Variants in TMEM201 observed in about 807,000 individuals in gnomAD.
The protein encoded by TMEM201 is transmembrane protein 201.
Under a neutral mutation model 63.4 loss-of-function variants are expected in TMEM201, and 26 were observed. The ratio of observed to expected loss-of-function variants is 0.41; its 90% CI spans 0.30 to 0.57. TMEM201 has a LOEUF of 0.57. Ranked by LOEUF, TMEM201 falls within the 20% of genes least tolerant of loss-of-function variation. The probability of loss-of-function intolerance (pLI) is 0.29; values close to 1 mark genes in which losing one functional copy is unlikely to be tolerated. For synonymous variants in TMEM201, 417 were observed against 421.6 expected (o/e 0.99, Z 0.14); for missense variants, 794 against 917.7 (o/e 0.87, Z 1.74).
chr1:9,596,088 G>A, intron 2 of TMEM201, 78 bp downstream of exon 2: 1 of 1,553,470 alleles, frequency 6.4e-7, no homozygotes, highest in Non-Finnish European at 8.7e-7. Context: ...ACCACCCTGT[G>A]TCCCTGCCCT....
Position 9,609,839 on chromosome 1 carries a change from G to C in TMEM201, c.1394-1G>C, listed in dbSNP as rs1644296592. The C allele has an allele frequency of 6.4e-7, 1 of 1,551,396 alleles. No homozygotes were observed. Among genetic ancestry groups the C allele is most frequent in the Non-Finnish European group, 8.7e-7 (1 of 1,146,940 alleles). ...TGTCGCCCGCTTCTCTCTGTCTCCA[G>C]ACTCCGGCTATCTGTTCAGCGGTAG... On this transcript the variant is annotated splice_acceptor_variant, in intron 7 of 10. Coordinates refer to ENST00000340381, the MANE Select transcript of TMEM201 (RefSeq NM_001130924.3). LOFTEE classifies it high-confidence loss of function.
At position 9,613,125 on chromosome 1, in the gene TMEM201, G is replaced by A. The variant is rs1644348484; in HGVS notation, c.*42G>A. ...CTCGGAGGGGAGCAACCCGGTGCCT[G>A]CTGCTTCACCACTGCCGGCCTCAGG... On this transcript the variant is annotated 3_prime_UTR_variant, in exon 11 of 11. Coordinates refer to ENST00000340381, the MANE Select transcript of TMEM201 (RefSeq NM_001130924.3). 1 of 1,538,538 alleles carries A rather than the reference G, an allele frequency of 6.5e-7. No individual in the cohort carries two copies. Among genetic ancestry groups the A allele is most frequent in the Non-Finnish European group, 8.8e-7 (1 of 1,139,992 alleles).
intron 10 of TMEM201, 90 bp from the exon 11 acceptor site, chr1:9,612,896 C>G (rs1470211082): frequency 8.8e-7 from 1 of 1,134,264 alleles, no homozygotes; most frequent in African/African-American, 1.5e-5. Flanking sequence ...GCCTTGAGCT[C>G]CCCACAAACT....
At chr1:9,596,425 G>A (rs1212390287) in intron 2 of TMEM201, among the ~76,000 whole-genome samples, 36 of 152,250 alleles carry the variant, frequency 2.4e-4, no homozygotes, top group Admixed American at 2.4e-3. Flanking sequence ...TGCTAACCCT[G>A]CTGAGCCACC....
chr1:9,588,963 C>A lies in TMEM201; in HGVS notation c.33C>A (p.Cys11Ter). ...GAGTGAGCGCGCTGCTGGCCCGCTG[C>A]CCCACGGCCGGCCTGGCCGGCGGCC... MEGVSALLAR[C>*]PTAGLAGGLG... The change falls in exon 1 of 11, where the codon TGC becomes TGA. Residue 11 changes from cysteine (C) to a stop codon, truncating the protein, a stop_gained. Transcript: ENST00000340381. LOFTEE classifies it high-confidence loss of function. The A allele has an allele frequency of 1.6e-6, 2 of 1,266,320 alleles. No homozygotes were observed. The highest frequency in any genetic ancestry group is 1.6e-5 in the South Asian group (1 of 62,300). The allele number at this position is 1,266,320 out of a possible 1,614,324, so 78.4% of individuals were successfully genotyped here. A position where few individuals can be genotyped will look rare whatever the true frequency, so the allele number is the denominator to read the frequency against.
Position 9,607,783 on chromosome 1 carries a change from C to T in TMEM201, c.1387C>T (p.Arg463Ter). The change falls in exon 7 of 11, where the codon CGA becomes TGA. Residue 463 changes from arginine (R) to a stop codon, truncating the protein, a stop_gained. Transcript: ENST00000340381. LOFTEE classifies it high-confidence loss of function. The surrounding 1 kb of genome is among the most constrained non-coding windows in gnomAD (Gnocchi z 5.4). Reference protein sequence around the residue: ...LSLGTIPSLTRADSGYLFSGS... With the variant: ...LSLGTIPSLT ...TCTGGGAACCATACCCTCTCTGACT[C>T]GAGCAGGTAAGGGGTGCCCAGGCAT... 2 of 1,551,360 alleles carry T rather than the reference C, an allele frequency of 1.3e-6. No homozygotes were observed. Among genetic ancestry groups the T allele is most frequent in the East Asian group, 4.9e-5 (2 of 40,918 alleles).
intron 6 of TMEM201, chr1:9,606,209 G>A (rs942282479): frequency 6.6e-6 from 1 of 152,164 alleles, no homozygotes; most frequent in Non-Finnish European, 1.5e-5. Context: ...TGGAGTCTTG[G>A]GGGCAAGCAG....
intron 1 of TMEM201, 79 bp from the exon 2 acceptor site, chr1:9,595,811 C>T (rs749702858): frequency 1.4e-5 from 23 of 1,595,048 alleles, no homozygotes; most frequent in Non-Finnish European, 2.0e-5. Flanking sequence ...CCCTGGTGGC[C>T]CTGGGGCAGG....
rs1029245334 is a variant in TMEM201, at chr1:9,608,898, C to A, written c.1394-942C>A. Among the ~76,000 whole-genome samples the A allele has an allele frequency of 1.3e-5, 2 of 152,196 alleles. No homozygotes were observed. Among genetic ancestry groups the A allele is most frequent in the Non-Finnish European group, 2.9e-5 (2 of 68,022 alleles). ...ACAGATGGGACCCCAGTCTCCATTACCAGAGTGGGTCGGGGGGAGGAGCCC... is the reference window on the plus strand; with the variant it reads ...ACAGATGGGACCCCAGTCTCCATTAACAGAGTGGGTCGGGGGGAGGAGCCC... On this transcript the variant is annotated intron_variant, in intron 7 of 10. Coordinates refer to ENST00000340381, the MANE Select transcript of TMEM201 (RefSeq NM_001130924.3). The surrounding 1 kb of genome is among the most constrained non-coding windows in gnomAD (Gnocchi z 4.3).
At position 9,609,922 on chromosome 1, in the gene TMEM201, C is replaced by CAG; in HGVS notation, c.1465+16_1465+17dup. The CAG allele has an allele frequency of 6.4e-7, 1 of 1,551,164 alleles. No individual in the cohort carries two copies. Among genetic ancestry groups the CAG allele is most frequent in the Non-Finnish European group, 8.7e-7 (1 of 1,146,762 alleles). On this transcript the variant is annotated intron_variant, in intron 8 of 10. Transcript: ENST00000340381. ...AGTTTCCTGTTTCAGGTGAGGAAGA[C>CAG]AGAGAGCTAAGTGGGGGACGGGGCA...
rs367749309 is a variant in TMEM201 at position 9,598,858 on chromosome 1, AG to A, written c.606+235del. On this transcript the variant is annotated intron_variant, in intron 4 of 10. Coordinates refer to ENST00000340381, the MANE Select transcript of TMEM201 (RefSeq NM_001130924.3). ...GAAACGGGGTTTCTCCGTGTTGTTC[AG>A]GCTGGTCTCGAACTCCCGATCTCTG... is the stretch of plus-strand genomic sequence containing the variant. 4.3e-4 allele frequency among the ~76,000 whole-genome samples: 65 copies of A among 151,960 alleles called. 1 individual carries two copies. The East Asian group carries it at 0.011, about 27-fold the overall frequency.
rs1212316968 is a variant in TMEM201 at position 9,605,156 on chromosome 1, C to T, written c.1161-2401C>T. ...ATCATATTTTTTCCGTCTCAATAAA[C>T]TGTTGCTTAAAACGTGGTCTCTCTC... On this transcript the variant is annotated intron_variant, in intron 6 of 10. Coordinates refer to ENST00000340381, the MANE Select transcript of TMEM201 (RefSeq NM_001130924.3). The surrounding 1 kb of genome is among the most constrained non-coding windows in gnomAD (Gnocchi z 5.7). 1.3e-5 allele frequency among the ~76,000 whole-genome samples: 2 copies of T among 152,190 alleles called. No individual in the cohort carries two copies. Among genetic ancestry groups the T allele is most frequent in the African/African-American group, 4.8e-5 (2 of 41,432 alleles).
In TMEM201 at chr1:9,602,138, G is replaced by T; in HGVS notation, c.1026G>T (p.Gln342His). The T allele has an allele frequency of 6.2e-7, 1 of 1,613,010 alleles. No individual in the cohort carries two copies. Among genetic ancestry groups the T allele is most frequent in the Non-Finnish European group, 8.5e-7 (1 of 1,180,014 alleles). Residue 342 changes from glutamine (Q) to histidine (H), a missense_variant, in exon 6 of 11, where the codon CAG becomes CAT. Physicochemically the swap from Gln to His is conservative, Grantham distance 24. Transcript: ENST00000340381. ...ALLLGLHLAEQHLQAASPSWL... is the reference protein window; with the variant it reads ...ALLLGLHLAEHHLQAASPSWL... ...TGCTGGGGCTGCACCTGGCTGAGCAGCACCTGCAGGCCGCCTCGCCTAGCT... is the reference window on the plus strand; with the variant it reads ...TGCTGGGGCTGCACCTGGCTGAGCATCACCTGCAGGCCGCCTCGCCTAGCT...
intron 9 of TMEM201, chr1:9,611,199 CT>C (rs70979767): frequency 0.6 from 221,030 of 366,684 alleles, 49,105 homozygotes; most frequent in African/African-American, 0.81. Flanking sequence ...TGTAGATTTC[CT>C]TTTTTTTTTT....
At chr1:9,602,306 C>T (rs1557556707) in intron 6 of TMEM201, 34 bp downstream of exon 6, 12 of 1,604,364 alleles carry the variant, frequency 7.5e-6, no homozygotes, top group Non-Finnish European at 1.0e-5. Context: ...GGGGGGAGGA[C>T]ACACGGATGC....
At chr1:9,606,765 T>C (rs1299092996) in intron 6 of TMEM201, 1 of 152,334 alleles carries the variant, frequency 6.6e-6, no homozygotes, top group Non-Finnish European at 1.5e-5. Flanking sequence ...CGTGGGGCCA[T>C]CAGGTCCTGT....
intron 1 of TMEM201, among the ~76,000 whole-genome samples, chr1:9,593,064 G>C (rs1643947976): frequency 6.6e-6 from 1 of 152,264 alleles, no homozygotes; most frequent in Non-Finnish European, 1.5e-5. Flanking sequence ...TTGCAGAAGA[G>C]AAGTGGGCTG....
At position 9,604,044 on chromosome 1, in the gene TMEM201, C is replaced by T. The variant is rs1160698714; in HGVS notation, c.1160+1772C>T. 1 of 985,432 alleles carries T rather than the reference C, an allele frequency of 1.0e-6. No individual in the cohort carries two copies. Among genetic ancestry groups the T allele is most frequent in the Non-Finnish European group, 1.2e-6 (1 of 829,948 alleles). The allele number at this position is 985,432 out of a possible 1,614,324, so 61.0% of individuals were successfully genotyped here. A position where few individuals can be genotyped will look rare whatever the true frequency, so the allele number is the denominator to read the frequency against. ...ACCGCCTGCCTGTGCACTCACGCCA[C>T]CCCCCAGCCCACAAAGAGCCCATCT... is the stretch of plus-strand genomic sequence containing the variant. On this transcript the variant is annotated intron_variant, in intron 6 of 10. Coordinates refer to ENST00000340381, the MANE Select transcript of TMEM201 (RefSeq NM_001130924.3). The surrounding 1 kb of genome is among the most constrained non-coding windows in gnomAD (Gnocchi z 4.1).
intron 9 of TMEM201, among the ~76,000 whole-genome samples, 181 bp from the exon 10 acceptor site, chr1:9,611,570 CAA>C (rs1453952351): frequency 5.3e-5 from 8 of 152,190 alleles, no homozygotes; most frequent in Non-Finnish European, 8.8e-5. Context: ...TACTGGCAGA[CAA>C]GAGGTGGCAG....
Sources: gnomAD v4.1 joint callset for allele counts (sites outside exome capture counted in the v4.1 genomes callset) on GRCh38, gnomAD v4.1.1 for gene constraint, Gnocchi (gnomAD v3.1) non-coding constraint, MANE v1.5 for transcripts, NCBI Gene and HGNC (gene_info 2026-07-23, HGNC 2026-07-21) for gene names.